Variants in CACNA2D3 observed in about 807,000 individuals in gnomAD.
CACNA2D3 encodes calcium voltage-gated channel auxiliary subunit alpha2delta 3.
CACNA2D3 carries 60 observed loss-of-function variants against 160.6 expected under a neutral mutation model. The ratio of observed to expected loss-of-function variants is 0.37; its 90% confidence interval spans 0.30 to 0.46. CACNA2D3 has a LOEUF of 0.46. CACNA2D3 is among the 20% of genes least tolerant of loss of function. The probability of loss-of-function intolerance (pLI) is 1.00; values close to 1 mark genes in which losing one functional copy is unlikely to be tolerated. For synonymous variants in CACNA2D3, 558 were observed against 492.9 expected, an observed-to-expected ratio of 1.13 and a Z score of -1.75; for missense variants, 1,205 against 1,365.0, an observed-to-expected ratio of 0.88 and a Z score of 1.85.
At chr3:54,764,487 T>A in intron 13 of CACNA2D3, 136 bp downstream of exon 13, 1 of 1,053,716 alleles carries the variant, frequency 9.5e-7, no homozygotes, top group Non-Finnish European at 1.3e-6. Flanking sequence ...TGTATAGTGT[T>A]GGTCACCTTG....
intron 29 of CACNA2D3, among the ~76,000 whole-genome samples, chr3:54,970,452 C>CCTCTCCTCTCCTTTCTT (rs1702245643): frequency 9.6e-6 from 1 of 103,696 alleles, no homozygotes; most frequent in Admixed American, 9.4e-5. Context: ...CCCCTCCCCT[C>CCTCTCCTCTCCTTTCTT]CTCTCCTCCC....
chr3:54,290,827 C>T (rs1358383836), intron 2 of CACNA2D3, among the ~76,000 whole-genome samples: 1 of 151,856 alleles, frequency 6.6e-6, no homozygotes. Flanking sequence ...CCAAACACCG[C>T]ATGTTCTCAC....
intron 2 of CACNA2D3, among the ~76,000 whole-genome samples, chr3:54,271,537 T>G (rs1702621734): frequency 6.6e-6 from 1 of 152,256 alleles, no homozygotes; most frequent in African/African-American, 2.4e-5. Flanking sequence ...TGGCCTTTTC[T>G]TTACTTGTCA....
At chr3:54,926,066 T>C (rs962308261) in intron 27 of CACNA2D3, among the ~76,000 whole-genome samples, 2 of 152,240 alleles carry the variant, frequency 1.3e-5, no homozygotes, top group Admixed American at 6.5e-5. Context: ...GCATTACTTA[T>C]GCAGTTGAAC....
intron 2 of CACNA2D3, among the ~76,000 whole-genome samples, chr3:54,282,947 T>G (rs1702916491): frequency 1.3e-5 from 2 of 152,188 alleles, no homozygotes. Context: ...AATAAAAGTC[T>G]GTTATCAAAT....
intron 2 of CACNA2D3, among the ~76,000 whole-genome samples, chr3:54,299,749 G>T (rs1361255323): frequency 6.6e-6 from 1 of 152,168 alleles, no homozygotes; most frequent in Non-Finnish European, 1.5e-5. Context: ...CGGGGAAAAG[G>T]ATTAACAAAA....
intron 13 of CACNA2D3, among the ~76,000 whole-genome samples, chr3:54,778,305 C>T (rs539770277): frequency 1.3e-5 from 2 of 152,098 alleles, no homozygotes; most frequent in Non-Finnish European, 2.9e-5. Context: ...TTGAATGGGG[C>T]CTTTCCCCAT....
chr3:54,248,012 C>A (rs962552789), intron 2 of CACNA2D3, among the ~76,000 whole-genome samples: 17 of 152,156 alleles, frequency 1.1e-4, no homozygotes, highest in African/African-American at 3.9e-4. Flanking sequence ...TTTTCCTTAA[C>A]GGTGACTGTT....
chr3:54,460,226 C>G (rs77321712), intron 4 of CACNA2D3, among the ~76,000 whole-genome samples: 59,905 of 150,214 alleles, frequency 0.4, 12,138 homozygotes, highest in Admixed American at 0.49. Flanking sequence ...CAGCTTTGTT[C>G]TTTTGGCTTA....
chr3:54,879,580 G>A (rs80108014), intron 20 of CACNA2D3, among the ~76,000 whole-genome samples, 169 bp downstream of exon 20: 3,283 of 152,108 alleles, frequency 0.022, 101 homozygotes, highest in African/African-American at 0.068. Context: ...TTTTCCAGAA[G>A]GGGGGGAGAT....
intron 4 of CACNA2D3, among the ~76,000 whole-genome samples, chr3:54,438,218 A>G (rs1452054681): frequency 1.3e-5 from 2 of 152,182 alleles, no homozygotes; most frequent in Admixed American, 6.5e-5. Flanking sequence ...CTTGTGGGCT[A>G]CTTCCTAAGT....
At chr3:54,724,722 T>G (rs950028302) in intron 11 of CACNA2D3, among the ~76,000 whole-genome samples, 1 of 152,100 alleles carries the variant, frequency 6.6e-6, no homozygotes, top group East Asian at 1.9e-4. Context: ...TTGAAACCAA[T>G]GAGAATGAAG....
intron 4 of CACNA2D3, among the ~76,000 whole-genome samples, chr3:54,472,027 C>T (rs1212176054): frequency 1.3e-5 from 2 of 152,112 alleles, no homozygotes; most frequent in East Asian, 1.9e-4. Flanking sequence ...AAAAAAGGGA[C>T]TCCTCCCTAA....
chr3:54,284,116 A>T (rs1702951214), intron 2 of CACNA2D3, among the ~76,000 whole-genome samples: 1 of 152,186 alleles, frequency 6.6e-6, no homozygotes, highest in Admixed American at 6.5e-5. Flanking sequence ...ATGTACTTAC[A>T]TATTAAAACC....
intron 2 of CACNA2D3, among the ~76,000 whole-genome samples, chr3:54,227,328 A>G (rs1019185534): frequency 6.6e-6 from 1 of 152,100 alleles, no homozygotes; most frequent in African/African-American, 2.4e-5. Context: ...GGGATAAGCT[A>G]TTAGGCCACA....
chr3:54,273,766 A>T (rs116229277), intron 2 of CACNA2D3, among the ~76,000 whole-genome samples: 1 of 152,176 alleles, frequency 6.6e-6, no homozygotes, highest in African/African-American at 2.4e-5. Context: ...TACTCAGTCC[A>T]GGTCAGTTCC....
chr3:54,255,948 A>T (rs9875569), intron 2 of CACNA2D3, among the ~76,000 whole-genome samples: 1 of 151,974 alleles, frequency 6.6e-6, no homozygotes, highest in Non-Finnish European at 1.5e-5. Context: ...TCACAGATCC[A>T]GTAAGTGTCA....
chr3:54,815,267 G>A (rs927549645), intron 13 of CACNA2D3, among the ~76,000 whole-genome samples: 1 of 152,132 alleles, frequency 6.6e-6, no homozygotes, highest in African/African-American at 2.4e-5. Flanking sequence ...AGATAAAAGT[G>A]TTGGAAATTG....
intron 6 of CACNA2D3, among the ~76,000 whole-genome samples, chr3:54,566,143 A>G (rs1327047533): frequency 6.6e-6 from 1 of 152,174 alleles, no homozygotes; most frequent in Admixed American, 6.5e-5. Context: ...ACTCTGGTAG[A>G]GACTTGATGA....
Sources: allele counts gnomAD v4.1 joint callset (sites outside exome capture counted in the v4.1 genomes callset), GRCh38; gene constraint gnomAD v4.1.1; transcripts MANE v1.5; gene names NCBI Gene and HGNC (gene_info 2026-07-23, HGNC 2026-07-21).